The following UNC13B variants were observed in gnomAD, a reference collection of about 807,000 sequenced individuals.
The protein encoded by UNC13B is protein unc-13 homolog B.
In UNC13B, 144 loss-of-function variants were observed where a neutral mutation model predicts 211.0. The observed-to-expected ratio is 0.68, with a 90% CI of 0.60 to 0.78. The LOEUF (loss-of-function observed/expected upper bound fraction) is 0.78, where lower values mean the gene tolerates loss of function less well. Ranked by LOEUF, UNC13B falls within the 30% of genes least tolerant of loss-of-function variation. The probability of loss-of-function intolerance (pLI) is 0.00; values close to 1 mark genes in which losing one functional copy is unlikely to be tolerated. For missense variants in UNC13B, 1,777 were observed against 2,002.0 expected, an observed-to-expected ratio of 0.89 and a Z score of 2.14; for synonymous variants, 709 against 725.8, an observed-to-expected ratio of 0.98 and a Z score of 0.37.
intron 7 of UNC13B, among the ~76,000 whole-genome samples, chr9:35,284,540 GGCTTGATTT>G (rs1271083321): frequency 1.3e-5 from 2 of 152,072 alleles, no homozygotes; most frequent in African/African-American, 2.4e-5. Context: ...TATAATGCTA[GGCTTGATTT>G]GCTTGTATTT....
chr9:35,284,414 T>G (rs984638636), intron 7 of UNC13B, among the ~76,000 whole-genome samples: 2 of 152,226 alleles, frequency 1.3e-5, no homozygotes, highest in Non-Finnish European at 2.9e-5. Context: ...AACCAATTCA[T>G]GGATATTTTT....
At chr9:35,294,204 G>C (rs1829237014) in intron 7 of UNC13B, among the ~76,000 whole-genome samples, 1 of 151,822 alleles carries the variant, frequency 6.6e-6, no homozygotes, top group South Asian at 2.1e-4. Context: ...ACTCTTTTCT[G>C]TTTCCGCTGT....
chr9:35,291,235 G>A, intron 7 of UNC13B: 2 of 894,102 alleles, frequency 2.2e-6, no homozygotes, highest in Non-Finnish European at 3.4e-6. Flanking sequence ...TAAATATCGG[G>A]AGACAATGAC....
chr9:35,218,341 T>C (rs112857812), intron 1 of UNC13B, among the ~76,000 whole-genome samples: 7 of 152,192 alleles, frequency 4.6e-5, no homozygotes, highest in African/African-American at 1.7e-4. Flanking sequence ...TCTTCAAGAC[T>C]CTTATTTGGT....
intron 2 of UNC13B, among the ~76,000 whole-genome samples, chr9:35,230,517 T>C (rs1288055301): frequency 6.6e-6 from 1 of 151,788 alleles, no homozygotes; most frequent in Non-Finnish European, 1.5e-5. Context: ...TAACTTGTGC[T>C]TTAGGCCAAA....
intron 11 of UNC13B, among the ~76,000 whole-genome samples, chr9:35,330,239 C>T (rs1831291739): frequency 6.6e-6 from 1 of 152,222 alleles, no homozygotes; most frequent in African/African-American, 2.4e-5. Context: ...GCTTAAAAGT[C>T]TCTAGCCAGC....
At chr9:35,357,748 G>A (rs1465258555) in intron 11 of UNC13B, among the ~76,000 whole-genome samples, 2 of 152,010 alleles carry the variant, frequency 1.3e-5, no homozygotes, top group East Asian at 3.9e-4. Flanking sequence ...ACAATTTTTT[G>A]TGGTAAAATA....
chr9:35,257,346 TAAAA>T (rs1298815260), intron 6 of UNC13B, among the ~76,000 whole-genome samples: 81 of 118,626 alleles, frequency 6.8e-4, no homozygotes, highest in Non-Finnish European at 1.1e-3. Flanking sequence ...TAAATATTTA[TAAAA>T]ATATTTATAT....
At chr9:35,394,020 T>C (rs1421909264) in intron 26 of UNC13B, among the ~76,000 whole-genome samples, 1 of 152,120 alleles carries the variant, frequency 6.6e-6, no homozygotes, top group Non-Finnish European at 1.5e-5. Flanking sequence ...GTCTGGAGGC[T>C]ATTATAGTAA....
chr9:35,171,801 T>A (rs527830584), intron 1 of UNC13B, among the ~76,000 whole-genome samples: 163 of 152,336 alleles, frequency 1.1e-3, no homozygotes, highest in Non-Finnish European at 1.7e-3. Flanking sequence ...TAGTATCTTG[T>A]TAGATGCATA....
chr9:35,247,702 G>A (rs1826187998), intron 6 of UNC13B, among the ~76,000 whole-genome samples: 1 of 152,162 alleles, frequency 6.6e-6, no homozygotes, highest in Non-Finnish European at 1.5e-5. Flanking sequence ...CAGGGATGAA[G>A]CCCACTTAAT....
intron 12 of UNC13B, among the ~76,000 whole-genome samples, chr9:35,369,204 G>C (rs544989737): frequency 1.3e-5 from 2 of 152,160 alleles, no homozygotes; most frequent in Non-Finnish European, 2.9e-5. Context: ...TCTTTGCCTA[G>C]ATAGCTACAA....
intron 7 of UNC13B, among the ~76,000 whole-genome samples, chr9:35,272,614 G>C (rs1827957200): frequency 6.6e-6 from 1 of 152,078 alleles, no homozygotes; most frequent in African/African-American, 2.4e-5. Context: ...CAAAGAACAT[G>C]CATTTGTTTT....
At chr9:35,176,662 G>A (rs979793433) in intron 1 of UNC13B, among the ~76,000 whole-genome samples, 2 of 152,118 alleles carry the variant, frequency 1.3e-5, no homozygotes, top group South Asian at 2.1e-4. Flanking sequence ...ATATAGACTA[G>A]TAGGACTACG....
At chr9:35,299,038 C>T (rs571958653) in intron 8 of UNC13B, among the ~76,000 whole-genome samples, 27 of 152,226 alleles carry the variant, frequency 1.8e-4, no homozygotes, top group Middle Eastern at 3.4e-3. Flanking sequence ...TCAAGACCAG[C>T]CTGGCCAACA....
chr9:35,274,078 G>A (rs1182704337), intron 7 of UNC13B, among the ~76,000 whole-genome samples: 3 of 151,974 alleles, frequency 2.0e-5, no homozygotes, highest in South Asian at 2.1e-4. Context: ...TAACTACCTC[G>A]CACAGCTCCA....
At chr9:35,328,642 TCCTTCCTTCCTTCCTTCCTTCCTC>T (rs1160405099) in intron 11 of UNC13B, among the ~76,000 whole-genome samples, 12 of 84,484 alleles carry the variant, frequency 1.4e-4, no homozygotes, top group African/African-American at 4.7e-4. Flanking sequence ...CTTCCTTCCT[TCCTTCCTTCCTTCCTTCCTTCCTC>T]CCTCCCTTCC....
At position 35,400,292 on chromosome 9, in the gene UNC13B, G is replaced by T. The variant is rs749672524; in HGVS notation, c.12337-4G>T. 13 of 1,613,414 alleles carry T rather than the reference G, an allele frequency of 8.1e-6. No homozygotes were observed. In the South Asian group the frequency reaches 1.1e-4, roughly 14 times the overall value. On this transcript the variant is annotated splice_region_variant and splice_polypyrimidine_tract_variant and intron_variant, in intron 36 of 39. Transcript: ENST00000635942. ...GCAGTCACGGGTGCTCTTTTATCTT[G>T]CAGCAATACTTCCATGCAGGAGGCA...
At chr9:35,342,193 A>C (rs960928501) in intron 11 of UNC13B, 1 of 985,632 alleles carries the variant, frequency 1.0e-6, no homozygotes, top group Non-Finnish European at 1.2e-6. Context: ...TTTGGCTCAG[A>C]AAGTTCGTCC....
Sources: gnomAD v4.1 joint callset for allele counts (sites outside exome capture counted in the v4.1 genomes callset) on GRCh38, gnomAD v4.1.1 for gene constraint, MANE v1.5 for transcripts, NCBI Gene and HGNC (gene_info 2026-07-23, HGNC 2026-07-21) for gene names.